ATP9B: variants seen among roughly 807,000 people sequenced by gnomAD.
ATP9B encodes ATPase phospholipid transporting 9B, also known as probable phospholipid-transporting ATPase IIB.
In ATP9B, 110 loss-of-function variants were observed where a neutral mutation model predicts 146.1. The observed-to-expected ratio is 0.75, with a 90% CI of 0.65 to 0.88. The LOEUF is 0.88. Among genes scored for constraint, ATP9B ranks in the 40% least tolerant of loss-of-function variants. ATP9B has a pLI of 0.00. For synonymous variants in ATP9B, 604 were observed against 569.7 expected, an observed-to-expected ratio of 1.06 and a Z score of -0.86; for missense variants, 1,499 against 1,496.4, an observed-to-expected ratio of 1.00 and a Z score of -0.03.
chr18:79,207,039 T>G, intron 10 of ATP9B, 27 bp downstream of exon 10: 2 of 1,598,270 alleles, frequency 1.3e-6, no homozygotes, highest in Non-Finnish European at 1.7e-6. Flanking sequence ...CCTCTGAGTG[T>G]GATTGCTCCC....
At chr18:79,325,939 A>G (rs2096742350) in intron 15 of ATP9B, among the ~76,000 whole-genome samples, 2 of 141,216 alleles carry the variant, frequency 1.4e-5, no homozygotes, top group Admixed American at 1.4e-4. Context: ...CTCCCCTCAC[A>G]TGGTGTTAGG....
In ATP9B at chr18:79,069,397, G is replaced by A; in HGVS notation, c.-14G>A. On this transcript the variant is annotated 5_prime_UTR_variant, in exon 1 of 30. Transcript: ENST00000426216. ...AGGGGAAAGTGGGAGGGGCGGGAAA[G>A]GGGCGGTCGGAACATGGCGGACCAG... 1.3e-6 allele frequency: 2 copies of A among 1,489,486 alleles called. No individual in the cohort carries two copies. Among genetic ancestry groups the A allele is most frequent in the Non-Finnish European group, 1.8e-6 (2 of 1,119,162 alleles). 92.3% of individuals were successfully genotyped at this position (1,489,486 alleles called of 1,614,324 possible).
At chr18:79,138,955 C>T (rs1319331394) in intron 5 of ATP9B, among the ~76,000 whole-genome samples, 1 of 152,132 alleles carries the variant, frequency 6.6e-6, no homozygotes, top group African/African-American at 2.4e-5. Context: ...GTAGTCCCAT[C>T]TACTCCAGAG....
intron 15 of ATP9B, among the ~76,000 whole-genome samples, chr18:79,309,431 G>GATCCCCAGCAGGTAGAAGGTCAGGGGTT (rs1568639538): frequency 5.3e-5 from 7 of 132,116 alleles, no homozygotes; most frequent in African/African-American, 2.1e-4. Flanking sequence ...GGTCAGGGGT[G>GATCCCCAGCAGGTAGAAGGTCAGGGGTT]GAGGAGTGAT....
In ATP9B at chr18:79,130,365, CAG is replaced by C. The variant is rs1599769269; in HGVS notation, c.667+3991_667+3992del. Among the ~76,000 whole-genome samples the C allele has an allele frequency of 3.3e-5, 5 of 151,456 alleles. No individual in the cohort carries two copies. The South Asian group carries it at 8.4e-4, about 25-fold the overall frequency. ...AGCAGAATTGAGCACACCAAAGAAA[CAG>C]TGAACTTAAGCCTAGGTCAGTTGTA... On this transcript the variant is annotated intron_variant, in intron 5 of 29. Transcript: ENST00000426216.
intron 25 of ATP9B, among the ~76,000 whole-genome samples, chr18:79,351,124 G>C (rs1211267482): frequency 6.6e-6 from 1 of 152,206 alleles, no homozygotes; most frequent in East Asian, 1.9e-4. Context: ...TGCATCTTGA[G>C]TTTGAACAGT....
At position 79,345,474 on chromosome 18, in the gene ATP9B, A is replaced by C. The variant is rs1308658701; in HGVS notation, c.2519A>C (p.Gln840Pro). ...CATGAATTTGTGGAGCTGGCCTGCC[A>C]GTGCCCTGCCGTGGTTTGCTGCCGC... Reference protein sequence around the residue: ...YEHEFVELACQCPAVVCCRCS... With the variant: ...YEHEFVELACPCPAVVCCRCS... The change falls in exon 22 of 30, where the codon CAG becomes CCG. Residue 840 changes from glutamine (Q) to proline (P), a missense_variant. Gln to Pro is a moderately conservative substitution (Grantham distance 76). Transcript: ENST00000426216. 1 of 1,613,970 alleles carries C rather than the reference A, an allele frequency of 6.2e-7. No homozygotes were observed. Among genetic ancestry groups the C allele is most frequent in the Non-Finnish European group, 8.5e-7 (1 of 1,180,034 alleles).
chr18:79,258,991 G>C (rs994654979), intron 12 of ATP9B, among the ~76,000 whole-genome samples: 1 of 152,202 alleles, frequency 6.6e-6, no homozygotes, highest in Non-Finnish European at 1.5e-5. Context: ...CTTTTGGATT[G>C]AATAAAGGGT....
chr18:79,255,794 G>C (rs2145153082), intron 12 of ATP9B, among the ~76,000 whole-genome samples: 1 of 152,342 alleles, frequency 6.6e-6, no homozygotes. Flanking sequence ...GCCAGCTTGA[G>C]AACCTGTCTC....
chr18:79,107,289 G>T (rs1208668650), intron 2 of ATP9B, among the ~76,000 whole-genome samples: 1 of 152,172 alleles, frequency 6.6e-6, no homozygotes, highest in Admixed American at 6.5e-5. Flanking sequence ...ACTAGCCAGG[G>T]TGCCCACTGA....
chr18:79,267,167 C>T (rs527419577), intron 12 of ATP9B, among the ~76,000 whole-genome samples: 11 of 151,982 alleles, frequency 7.2e-5, no homozygotes, highest in Admixed American at 3.3e-4. Context: ...GTTTTCAATT[C>T]GTAATCAAGT....
At position 79,193,267 on chromosome 18, in the gene ATP9B, A is replaced by T. The variant is rs370015727; in HGVS notation, c.954+4A>T. 2 of 1,595,214 alleles carry T rather than the reference A, an allele frequency of 1.3e-6. No homozygotes were observed. Among genetic ancestry groups the T allele is most frequent in the Admixed American group, 1.7e-5 (1 of 59,916 alleles). On this transcript the variant is annotated splice_donor_region_variant and intron_variant, in intron 9 of 29. Coordinates refer to ENST00000426216, the MANE Select transcript of ATP9B (RefSeq NM_198531.5). ...TTTCGAAGGCACATTTACCAGGGTAAGTTAAACCTGTTGTTCAATACAAAT... is the reference window on the plus strand; with the variant it reads ...TTTCGAAGGCACATTTACCAGGGTATGTTAAACCTGTTGTTCAATACAAAT...
rs776416080 is a variant in ATP9B, at chr18:79,345,072, C to T, written c.2473-356C>T. On this transcript the variant is annotated intron_variant, in intron 21 of 29. Coordinates refer to ENST00000426216, the MANE Select transcript of ATP9B (RefSeq NM_198531.5). ...GGCAGAAGCTGCCCCAGAACGTCAC[C>T]GGGTCACATGATGTTTTTCAAGAAA... Among the ~76,000 whole-genome samples the T allele has an allele frequency of 5.9e-5, 9 of 152,244 alleles. No homozygotes were observed. In the South Asian group the frequency reaches 6.2e-4, roughly 11 times the overall value.
At chr18:79,284,743 A>C (rs1208123478) in intron 13 of ATP9B, among the ~76,000 whole-genome samples, 1 of 151,702 alleles carries the variant, frequency 6.6e-6, no homozygotes, top group Non-Finnish European at 1.5e-5. Flanking sequence ...TTAGCTTTAG[A>C]TATATCTCCT....
intron 25 of ATP9B, among the ~76,000 whole-genome samples, chr18:79,348,711 C>G (rs1160168557): frequency 6.6e-6 from 1 of 152,234 alleles, no homozygotes; most frequent in Non-Finnish European, 1.5e-5. Flanking sequence ...CGCGGTGGCT[C>G]ACGCCTGTAA....
chr18:79,293,166 A>G (rs947094741), intron 13 of ATP9B, among the ~76,000 whole-genome samples: 1 of 151,414 alleles, frequency 6.6e-6, no homozygotes, highest in East Asian at 1.9e-4. Flanking sequence ...GAAGTTGGAT[A>G]CTTATCCCAC....
At chr18:79,356,822 T>TCTGTCTGAGGGACC (rs2096956768) in intron 25 of ATP9B, among the ~76,000 whole-genome samples, 1 of 123,318 alleles carries the variant, frequency 8.1e-6, no homozygotes, top group African/African-American at 2.8e-5. Context: ...TCTGGAGGTG[T>TCTGTCTGAGGGACC]CTGTGTGAGG....
chr18:79,256,628 T>C (rs540843519), intron 12 of ATP9B, among the ~76,000 whole-genome samples: 10 of 152,200 alleles, frequency 6.6e-5, no homozygotes, highest in Non-Finnish European at 1.5e-4. Flanking sequence ...TAATATTTAG[T>C]AAAGTTTAAA....
intron 25 of ATP9B, chr18:79,353,113 C>G (rs904169172): frequency 2.0e-5 from 3 of 152,246 alleles, no homozygotes; most frequent in African/African-American, 7.2e-5. Context: ...GAGGCCAGGC[C>G]GAAAGGCCAA....
Sources: gnomAD v4.1 joint callset for allele counts (sites outside exome capture counted in the v4.1 genomes callset) on GRCh38, gnomAD v4.1.1 for gene constraint, MANE v1.5 for transcripts, NCBI Gene and HGNC (gene_info 2026-07-23, HGNC 2026-07-21) for gene names.